The following ROBO1 variants were observed in gnomAD, a reference collection of about 807,000 sequenced individuals.
ROBO1 encodes roundabout homolog 1.
A neutral mutation model predicts 195.9 loss-of-function variants in ROBO1; 149 were observed. The ratio of observed to expected loss-of-function variants is 0.76; its 90% CI spans 0.67 to 0.87. The LOEUF is 0.87. Ranked by LOEUF, ROBO1 falls within the 40% of genes least tolerant of loss-of-function variation. ROBO1 has a pLI of 0.00. For missense variants in ROBO1, 1,933 were observed against 2,068.3 expected (o/e 0.93, Z 1.27); for synonymous variants, 816 against 733.2 (o/e 1.11, Z -1.82).
chr3:78,618,769 T>C (rs1403636950), intron 26 of ROBO1, among the ~76,000 whole-genome samples: 1 of 152,218 alleles, frequency 6.6e-6, no homozygotes. Context: ...CTGGAATTAA[T>C]TTAAGAACCA....
At chr3:79,605,689 C>T (rs1025486060) in intron 1 of ROBO1, among the ~76,000 whole-genome samples, 11 of 151,944 alleles carry the variant, frequency 7.2e-5, no homozygotes, top group African/African-American at 2.7e-4. Context: ...ATCCTCCCTT[C>T]CTACCTTTCA....
chr3:78,876,768 C>T (rs1182510326), intron 4 of ROBO1, among the ~76,000 whole-genome samples: 1 of 152,134 alleles, frequency 6.6e-6, no homozygotes, highest in African/African-American at 2.4e-5. Flanking sequence ...GAAAACTCTG[C>T]TGTGTTACAT....
chr3:78,619,553 C>G (rs1334350974), intron 26 of ROBO1, among the ~76,000 whole-genome samples: 1 of 151,478 alleles, frequency 6.6e-6, no homozygotes, highest in Non-Finnish European at 1.5e-5. Context: ...ATCTAGTTTT[C>G]CCTTTTCTCA....
intron 5 of ROBO1, among the ~76,000 whole-genome samples, chr3:78,743,974 C>T (rs17016495): frequency 0.075 from 11,372 of 152,180 alleles, 878 homozygotes; most frequent in African/African-American, 0.2. Flanking sequence ...TGTATGCCTA[C>T]CACGATGTAA....
chr3:78,606,600 T>C, intron 29 of ROBO1, 133 bp downstream of exon 29: 1 of 815,678 alleles, frequency 1.2e-6, no homozygotes, highest in East Asian at 2.4e-5. Context: ...ATTATTCGAG[T>C]ACATGCCTAT....
chr3:79,209,677 A>AT (rs1220806719), intron 2 of ROBO1, among the ~76,000 whole-genome samples: 4 of 151,916 alleles, frequency 2.6e-5, no homozygotes, highest in East Asian at 1.9e-4. Context: ...TTATTTTTTA[A>AT]TTTTTTTAAA....
intron 2 of ROBO1, among the ~76,000 whole-genome samples, chr3:79,475,150 TAA>T (rs201101772): frequency 4.6e-5 from 7 of 151,502 alleles, no homozygotes; most frequent in Non-Finnish European, 8.9e-5. Context: ...GCTTTTTTTT[TAA>T]AAAAAAATCT....
chr3:78,808,009 A>T (rs889682138), intron 4 of ROBO1, among the ~76,000 whole-genome samples: 1 of 152,204 alleles, frequency 6.6e-6, no homozygotes, highest in African/African-American at 2.4e-5. Context: ...TCATGATGTA[A>T]AAACTGAAAC....
intron 3 of ROBO1, among the ~76,000 whole-genome samples, chr3:79,117,241 G>T (rs534217237): frequency 6.6e-6 from 1 of 152,004 alleles, no homozygotes; most frequent in African/African-American, 2.4e-5. Flanking sequence ...ATGGTGGCAC[G>T]CACCTGTAGT....
At chr3:78,872,025 G>A (rs183426099) in intron 4 of ROBO1, among the ~76,000 whole-genome samples, 70 of 152,132 alleles carry the variant, frequency 4.6e-4, no homozygotes, top group African/African-American at 1.7e-3. Flanking sequence ...CTATGTTATC[G>A]ACAATATGAG....
chr3:78,984,236 C>A (rs1437015548), intron 3 of ROBO1, among the ~76,000 whole-genome samples: 1 of 151,968 alleles, frequency 6.6e-6, no homozygotes, highest in African/African-American at 2.4e-5. Flanking sequence ...TTTTATATAT[C>A]CACTTTAAAG....
At chr3:79,446,149 G>A (rs552393540) in intron 2 of ROBO1, among the ~76,000 whole-genome samples, 23 of 152,132 alleles carry the variant, frequency 1.5e-4, no homozygotes, top group African/African-American at 5.1e-4. Context: ...TTACAACAAG[G>A]ATATAAATAT....
At chr3:78,641,783 A>T (rs1705973105) in intron 21 of ROBO1, among the ~76,000 whole-genome samples, 2 of 151,946 alleles carry the variant, frequency 1.3e-5, no homozygotes, top group African/African-American at 4.8e-5. Flanking sequence ...TGCTGCTCTG[A>T]TTCCCTCTGA....
At position 78,627,630 on chromosome 3, in the gene ROBO1, T is replaced by C. The variant is rs1704897968; in HGVS notation, c.3627-61A>G. 3 of 1,495,648 alleles carry C rather than the reference T, an allele frequency of 2.0e-6. No individual in the cohort carries two copies. The African/African-American group carries it at 4.2e-5, about 21-fold the overall frequency. The allele number at this position is 1,495,648 out of a possible 1,614,324, so 92.6% of individuals were successfully genotyped here. On this transcript the variant is annotated intron_variant, in intron 25 of 30. Coordinates refer to ENST00000464233, the MANE Select transcript of ROBO1 (RefSeq NM_002941.4). Reference sequence around the variant, plus strand: ...AGGTTATTCAAATAAACTATTTGGATAGTAATGAAATGTCACCTTTAAATT... The same window carrying C: ...AGGTTATTCAAATAAACTATTTGGACAGTAATGAAATGTCACCTTTAAATT...
intron 2 of ROBO1, among the ~76,000 whole-genome samples, chr3:79,549,807 A>G (rs1464910623): frequency 6.6e-6 from 1 of 151,604 alleles, no homozygotes; most frequent in Non-Finnish European, 1.5e-5. Context: ...TACCTTTAAA[A>G]GTAAAGGGAA....
At chr3:79,114,495 C>T (rs1183239109) in intron 3 of ROBO1, among the ~76,000 whole-genome samples, 2 of 152,206 alleles carry the variant, frequency 1.3e-5, no homozygotes, top group East Asian at 3.9e-4. Context: ...TTGATTATCT[C>T]TGTCCCCAGC....
intron 1 of ROBO1, among the ~76,000 whole-genome samples, chr3:79,615,148 G>A (rs1020059879): frequency 2.0e-5 from 3 of 151,978 alleles, no homozygotes; most frequent in Non-Finnish European, 4.4e-5. Flanking sequence ...ACATTAAAAC[G>A]GATACTTAAG....
At chr3:79,443,241 C>A (rs1226716102) in intron 2 of ROBO1, among the ~76,000 whole-genome samples, 2 of 152,056 alleles carry the variant, frequency 1.3e-5, no homozygotes, top group African/African-American at 2.4e-5. Flanking sequence ...TGAAAGCAAC[C>A]AAGGGATAAG....
chr3:78,661,155 G>A lies in ROBO1; in HGVS notation c.2195C>T (p.Ala732Val). ...ATCAGGGATTACCACACTGTTTTTG[G>A]CTGGCGTCCTCACTTCAAAAACTAA... ...DWLVFEVRTP[A>V]KNSVVIPDLR... The change falls in exon 16 of 31, where the codon GCC becomes GTC. Residue 732 changes from alanine to valine, a missense_variant. Ala to Val is a moderately conservative substitution (Grantham distance 64). Around this residue, in one of 3 missense-constraint regions of ROBO1, gnomAD observed 1,737 missense variants for 1,882.5 expected, o/e 0.92. Coordinates refer to ENST00000464233, the MANE Select transcript of ROBO1 (RefSeq NM_002941.4). The A allele has an allele frequency of 6.2e-7, 1 of 1,613,428 alleles. No homozygotes were observed. Among genetic ancestry groups the A allele is most frequent in the Non-Finnish European group, 8.5e-7 (1 of 1,179,734 alleles).
Sources: allele counts gnomAD v4.1 joint callset (sites outside exome capture counted in the v4.1 genomes callset), GRCh38; gene constraint gnomAD v4.1.1; regional missense constraint gnomAD v4.1.1; transcripts MANE v1.5; gene names NCBI Gene and HGNC (gene_info 2026-07-23, HGNC 2026-07-21).